The following ARPP21 variants were observed in gnomAD, a reference collection of about 807,000 sequenced individuals.
The protein encoded by ARPP21 is cAMP-regulated phosphoprotein 21.
A neutral mutation model predicts 113.2 loss-of-function variants in ARPP21; 69 were observed. The observed-to-expected ratio is 0.61, with a 90% CI of 0.50 to 0.74. The LOEUF (loss-of-function observed/expected upper bound fraction) is 0.74, where lower values mean the gene tolerates loss of function less well. Among genes scored for constraint, ARPP21 ranks in the 30% least tolerant of loss-of-function variants. The probability of loss-of-function intolerance (pLI) is 0.00; values close to 1 mark genes in which losing one functional copy is unlikely to be tolerated. For synonymous variants in ARPP21, 368 were observed against 375.5 expected, an observed-to-expected ratio of 0.98 and a Z score of 0.23; for missense variants, 1,070 against 1,037.4, an observed-to-expected ratio of 1.03 and a Z score of -0.43.
At chr3:35,666,498 G>A (rs1575581030) in intron 1 of ARPP21, among the ~76,000 whole-genome samples, 4 of 151,974 alleles carry the variant, frequency 2.6e-5, no homozygotes, top group African/African-American at 9.7e-5. Context: ...ACATTCTTTT[G>A]GCATTATTCA....
intron 19 of ARPP21, among the ~76,000 whole-genome samples, chr3:35,761,774 A>G (rs1318773367): frequency 6.6e-6 from 1 of 152,120 alleles, no homozygotes; most frequent in African/African-American, 2.4e-5. Context: ...GCTGTGAGCA[A>G]AAGAGCTTAT....
chr3:35,763,584 C>T (rs1200433744), intron 19 of ARPP21, among the ~76,000 whole-genome samples: 7 of 152,038 alleles, frequency 4.6e-5, no homozygotes, highest in Non-Finnish European at 8.8e-5. Context: ...GGAGCTTGGA[C>T]GGTCACTAGA....
chr3:35,748,107 AAAG>A (rs755658148), intron 19 of ARPP21, among the ~76,000 whole-genome samples: 53 of 130,052 alleles, frequency 4.1e-4, no homozygotes, highest in Admixed American at 2.7e-3. Context: ...AGAAAGAAAG[AAAG>A]AAGAAAGAAA....
intron 19 of ARPP21, among the ~76,000 whole-genome samples, chr3:35,786,244 C>T (rs1323512447): frequency 6.6e-6 from 1 of 152,110 alleles, no homozygotes; most frequent in African/African-American, 2.4e-5. Context: ...TTTTACTTGG[C>T]CGGGCGTGGT....
chr3:35,668,009 AAGAAGAAGAAGAAGAAGAAGAAGG>A (rs2075231161), intron 1 of ARPP21, among the ~76,000 whole-genome samples: 5 of 147,174 alleles, frequency 3.4e-5, no homozygotes, highest in African/African-American at 7.6e-5. Flanking sequence ...GAAGAAGAAG[AAGAAGAAGAAGAAGAAGAAGAAGG>A]AGAAGAAGAA....
At chr3:35,693,823 A>T (rs1034958316) in intron 9 of ARPP21, among the ~76,000 whole-genome samples, 6 of 151,638 alleles carry the variant, frequency 4.0e-5, no homozygotes, top group African/African-American at 1.5e-4. Context: ...TACTGAGATG[A>T]GAATCCCATG....
intron 14 of ARPP21, among the ~76,000 whole-genome samples, chr3:35,725,318 G>A (rs2093441788): frequency 1.3e-5 from 2 of 152,186 alleles, no homozygotes; most frequent in Non-Finnish European, 2.9e-5. Flanking sequence ...AAGAGGCTAG[G>A]AGATTTACAT....
In ARPP21 at chr3:35,743,825, C is replaced by T. The variant is rs1200075154; in HGVS notation, c.2011-14C>T. ...CATTTTCATTCTCTGCTTTCTTCCT[C>T]CTTTCTTCCACAGATGCCTGTATAT... is the stretch of plus-strand genomic sequence containing the variant. On this transcript the variant is annotated splice_polypyrimidine_tract_variant and intron_variant, in intron 18 of 20. Coordinates refer to ENST00000684406, the MANE Select transcript of ARPP21 (RefSeq NM_001385562.1). 1.2e-6 allele frequency: 2 copies of T among 1,612,182 alleles called. No individual in the cohort carries two copies. The highest frequency in any genetic ancestry group is 1.1e-5 in the South Asian group (1 of 90,762).
chr3:35,697,125 C>T lies in ARPP21; in HGVS notation c.686+6120C>T, dbSNP rs530515299. 2.0e-5 allele frequency among the ~76,000 whole-genome samples: 3 copies of T among 151,740 alleles called. No individual in the cohort carries two copies. The East Asian group carries it at 5.8e-4, about 30-fold the overall frequency. ...TGCATATGTCAGAGCAACTGTTTAACTCATCCCAGATAATTTTCATGTTAA... is the reference window on the plus strand; with the variant it reads ...TGCATATGTCAGAGCAACTGTTTAATTCATCCCAGATAATTTTCATGTTAA... On this transcript the variant is annotated intron_variant, in intron 9 of 20. Transcript: ENST00000684406.
intron 18 of ARPP21, among the ~76,000 whole-genome samples, chr3:35,742,640 T>G (rs1454750927): frequency 6.6e-6 from 1 of 152,218 alleles, no homozygotes; most frequent in African/African-American, 2.4e-5. Flanking sequence ...TGTTCCCACT[T>G]TATCCTCAGG....
Position 35,666,336 on chromosome 3 carries a change from T to G in ARPP21, c.-212-13451T>G, listed in dbSNP as rs186684068. Among the ~76,000 whole-genome samples the G allele has an allele frequency of 6.5e-3, 983 of 152,258 alleles. 32 individuals carry two copies. Among genetic ancestry groups the G allele is most frequent in the East Asian group, 2.5e-3 (13 of 5,176 alleles). ...CAATCAGTGGCTCCACACAAAAATA[T>G]CCCTGAATTCTTAAGAAATTTTAGC... On this transcript the variant is annotated intron_variant, in intron 1 of 20. Coordinates refer to ENST00000684406, the MANE Select transcript of ARPP21 (RefSeq NM_001385562.1).
chr3:35,781,097 A>G (rs1473798640), intron 19 of ARPP21, among the ~76,000 whole-genome samples: 2 of 152,102 alleles, frequency 1.3e-5, no homozygotes, highest in Admixed American at 1.3e-4. Context: ...CTCTGAAGAC[A>G]GGGATCCCTC....
chr3:35,787,819 A>C (rs1381640009), intron 19 of ARPP21, among the ~76,000 whole-genome samples: 1 of 152,220 alleles, frequency 6.6e-6, no homozygotes, highest in Non-Finnish European at 1.5e-5. Context: ...GAATGTATAA[A>C]TAAATGGTAC....
intron 15 of ARPP21, among the ~76,000 whole-genome samples, chr3:35,732,694 T>C (rs975666533): frequency 8.5e-5 from 13 of 152,338 alleles, no homozygotes; most frequent in Admixed American, 2.0e-4. Flanking sequence ...TATTTTGATA[T>C]TTTTCTTGGC....
chr3:35,736,356 C>A (rs12489148), intron 15 of ARPP21, among the ~76,000 whole-genome samples: 51,741 of 151,972 alleles, frequency 0.34, 10,446 homozygotes, highest in East Asian at 0.73. Flanking sequence ...CATAATTTTT[C>A]CAGGAATGGA....
At chr3:35,772,271 A>G (rs1212638826) in intron 19 of ARPP21, among the ~76,000 whole-genome samples, 2 of 151,878 alleles carry the variant, frequency 1.3e-5, no homozygotes, top group South Asian at 2.1e-4. Flanking sequence ...TCCAGAGCTG[A>G]AAAAAATTGT....
intron 1 of ARPP21, among the ~76,000 whole-genome samples, chr3:35,657,624 C>G (rs376379628): frequency 6.6e-6 from 1 of 152,104 alleles, no homozygotes. Flanking sequence ...GAGGCACAAA[C>G]ACATTTGGTA....
At chr3:35,736,867 A>G (rs2094386124) in intron 15 of ARPP21, among the ~76,000 whole-genome samples, 2 of 152,196 alleles carry the variant, frequency 1.3e-5, no homozygotes, top group African/African-American at 4.8e-5. Flanking sequence ...TAGCTTTGTG[A>G]AGATTGCTTC....
chr3:35,723,197 A>G (rs1458470762), intron 14 of ARPP21, among the ~76,000 whole-genome samples: 4 of 152,116 alleles, frequency 2.6e-5, no homozygotes, highest in Admixed American at 2.6e-4. Context: ...TGGACTGTGG[A>G]TATTTTCCCA....
Sources: gnomAD v4.1 joint callset for allele counts (sites outside exome capture counted in the v4.1 genomes callset) on GRCh38, gnomAD v4.1.1 for gene constraint, MANE v1.5 for transcripts, NCBI Gene and HGNC (gene_info 2026-07-23, HGNC 2026-07-21) for gene names.